FSTL5: variants seen among roughly 807,000 people sequenced by gnomAD.
FSTL5 encodes the protein follistatin like 5, also known as follistatin-related protein 5.
FSTL5 carries 62 observed loss-of-function variants against 89.1 expected under a neutral mutation model. The ratio of observed to expected loss-of-function variants is 0.70; its 90% confidence interval spans 0.57 to 0.86. The LOEUF is 0.86. Among genes scored for constraint, FSTL5 ranks in the 40% least tolerant of loss-of-function variants. The pLI, the probability that FSTL5 is intolerant of heterozygous loss-of-function variation, is 0.00. For synonymous variants in FSTL5, 383 were observed against 346.2 expected, an observed-to-expected ratio of 1.11 and a Z score of -1.18; for missense variants, 1,057 against 1,001.6, an observed-to-expected ratio of 1.06 and a Z score of -0.75.
At chr4:161,555,141 G>T (rs564353662) in intron 8 of FSTL5, among the ~76,000 whole-genome samples, 2 of 151,630 alleles carry the variant, frequency 1.3e-5, no homozygotes, top group African/African-American at 4.8e-5. Flanking sequence ...AAACTTCGGT[G>T]AGTTTTTTTA....
chr4:161,924,667 T>C (rs1734077411), intron 3 of FSTL5, among the ~76,000 whole-genome samples: 1 of 151,582 alleles, frequency 6.6e-6, no homozygotes, highest in African/African-American at 2.4e-5. Flanking sequence ...CAATGTACCA[T>C]GTAATACAAA....
At chr4:161,923,746 G>C (rs1359048525) in intron 3 of FSTL5, among the ~76,000 whole-genome samples, 4 of 151,540 alleles carry the variant, frequency 2.6e-5, no homozygotes, top group Non-Finnish European at 4.4e-5. Flanking sequence ...AGTATATATA[G>C]GTTGGTCACA....
chr4:161,423,954 G>A (rs1732079318), intron 15 of FSTL5, among the ~76,000 whole-genome samples: 1 of 151,310 alleles, frequency 6.6e-6, no homozygotes, highest in African/African-American at 2.4e-5. Flanking sequence ...CTGCCTCCTG[G>A]GTTCAAGCTA....
intron 9 of FSTL5, among the ~76,000 whole-genome samples, chr4:161,540,637 A>G (rs957648779): frequency 1.3e-5 from 2 of 152,046 alleles, no homozygotes; most frequent in African/African-American, 4.8e-5. Flanking sequence ...CAGATTGATG[A>G]ATTATCCAAG....
intron 3 of FSTL5, among the ~76,000 whole-genome samples, chr4:162,027,531 A>G (rs1737343082): frequency 1.3e-5 from 2 of 152,222 alleles, no homozygotes; most frequent in African/African-American, 2.4e-5. Context: ...TATTTCAAAA[A>G]CTTGCATTAT....
intron 2 of FSTL5, among the ~76,000 whole-genome samples, chr4:162,037,496 A>T (rs1232677471): frequency 6.6e-6 from 1 of 151,820 alleles, no homozygotes; most frequent in Non-Finnish European, 1.5e-5. Context: ...ATCCTAGTTG[A>T]GTTTTGTCGT....
intron 15 of FSTL5, among the ~76,000 whole-genome samples, chr4:161,434,699 T>C (rs1252163440): frequency 6.7e-6 from 1 of 149,174 alleles, no homozygotes; most frequent in Non-Finnish European, 1.5e-5. Flanking sequence ...CTAGGATATA[T>C]AAGAAGCTCA....
At chr4:161,595,450 T>C (rs554740778) in intron 7 of FSTL5, among the ~76,000 whole-genome samples, 1 of 152,230 alleles carries the variant, frequency 6.6e-6, no homozygotes, top group South Asian at 2.1e-4. Flanking sequence ...AAGGCATTGA[T>C]GTCTGGAAAG....
intron 15 of FSTL5, among the ~76,000 whole-genome samples, chr4:161,411,922 T>C (rs1731607163): frequency 6.6e-6 from 1 of 152,194 alleles, no homozygotes; most frequent in South Asian, 2.1e-4. Context: ...ACTGATGATG[T>C]GATTCTACAG....
intron 4 of FSTL5, among the ~76,000 whole-genome samples, chr4:161,805,164 A>G (rs1403207003): frequency 6.6e-6 from 1 of 152,064 alleles, no homozygotes; most frequent in Non-Finnish European, 1.5e-5. Flanking sequence ...CTTTATACCG[A>G]GGGCATTCCT....
At chr4:161,757,025 T>C (rs1048525994) in intron 6 of FSTL5, among the ~76,000 whole-genome samples, 2 of 152,154 alleles carry the variant, frequency 1.3e-5, no homozygotes, top group African/African-American at 4.8e-5. Context: ...ATTAAAACTA[T>C]TTAGTAAAAT....
At chr4:161,524,933 G>A (rs982284660) in intron 10 of FSTL5, among the ~76,000 whole-genome samples, 6 of 151,290 alleles carry the variant, frequency 4.0e-5, no homozygotes, top group African/African-American at 1.5e-4. Flanking sequence ...ACTCTAGCCT[G>A]GGCAACAGAG....
chr4:161,506,908 T>C (rs1271051223), intron 11 of FSTL5, among the ~76,000 whole-genome samples: 1 of 152,174 alleles, frequency 6.6e-6, no homozygotes, highest in Non-Finnish European at 1.5e-5. Flanking sequence ...CTATAACATA[T>C]TTTTGTGTGA....
At chr4:161,599,732 A>C (rs73862331) in intron 7 of FSTL5, among the ~76,000 whole-genome samples, 3 of 152,140 alleles carry the variant, frequency 2.0e-5, no homozygotes, top group Admixed American at 1.3e-4. Context: ...ATATGGCCAT[A>C]TATTTCTGTA....
intron 4 of FSTL5, among the ~76,000 whole-genome samples, chr4:161,833,902 G>A (rs1028221699): frequency 5.9e-5 from 9 of 152,050 alleles, no homozygotes; most frequent in African/African-American, 2.2e-4. Flanking sequence ...ATATTGTGAT[G>A]TGTGAATTTG....
At chr4:161,437,390 C>A (rs1038067572) in intron 15 of FSTL5, among the ~76,000 whole-genome samples, 1 of 151,894 alleles carries the variant, frequency 6.6e-6, no homozygotes, top group Non-Finnish European at 1.5e-5. Flanking sequence ...CACGGTGAAA[C>A]CCCGTCTCTA....
chr4:162,089,432 C>T (rs1730450571), intron 2 of FSTL5, among the ~76,000 whole-genome samples: 2 of 151,670 alleles, frequency 1.3e-5, no homozygotes, highest in South Asian at 2.1e-4. Context: ...GTCAGGAGTT[C>T]GAGACTAGCC....
At chr4:162,051,496 A>T (rs2111258354) in intron 2 of FSTL5, among the ~76,000 whole-genome samples, 1 of 151,688 alleles carries the variant, frequency 6.6e-6, no homozygotes, top group East Asian at 1.9e-4. Flanking sequence ...ACCCTACTAG[A>T]CATATAAAGA....
chr4:162,041,920 G>A (rs1737976039), intron 2 of FSTL5: 1 of 152,132 alleles, frequency 6.6e-6, no homozygotes, highest in African/African-American at 2.4e-5. Context: ...GGAGGCTGAG[G>A]AGGACGCATC....
Sources: allele counts gnomAD v4.1 joint callset (sites outside exome capture counted in the v4.1 genomes callset), GRCh38; gene constraint gnomAD v4.1.1; transcripts MANE v1.5; gene names NCBI Gene and HGNC (gene_info 2026-07-23, HGNC 2026-07-21).